The following TGFA variants were observed in gnomAD, a reference collection of about 807,000 sequenced individuals.
TGFA encodes transforming growth factor alpha, also known as protransforming growth factor alpha.
In TGFA, 12 loss-of-function variants were observed where a neutral mutation model predicts 21.7. The observed-to-expected ratio is 0.55, with a 90% CI of 0.35 to 0.90. The LOEUF (loss-of-function observed/expected upper bound fraction) is 0.90. TGFA is among the 40% of genes least tolerant of loss of function. TGFA has a pLI of 0.01. For missense variants in TGFA, 178 were observed against 210.8 expected (o/e 0.84, Z 0.96); for synonymous variants, 79 against 88.1 (o/e 0.90, Z 0.58).
chr2:70,542,264 T>C (rs1429067809), intron 1 of TGFA, among the ~76,000 whole-genome samples: 1 of 152,192 alleles, frequency 6.6e-6, no homozygotes, highest in Non-Finnish European at 1.5e-5. Context: ...CACTTTTGTG[T>C]GACCACATTA....
At chr2:70,517,775 T>G (rs17005778) in intron 1 of TGFA, among the ~76,000 whole-genome samples, 9,830 of 152,232 alleles carry the variant, frequency 0.065, 1,068 homozygotes, top group African/African-American at 0.22. Flanking sequence ...AACCCCAAGT[T>G]AGTCCAAACA....
intron 5 of TGFA, among the ~76,000 whole-genome samples, chr2:70,452,910 T>C (rs1670102177): frequency 6.6e-6 from 1 of 152,030 alleles, no homozygotes; most frequent in Non-Finnish European, 1.5e-5. Flanking sequence ...GCCATTGCAC[T>C]CCAGCCTGGG....
chr2:70,541,382 A>G (rs1335266338), intron 1 of TGFA, among the ~76,000 whole-genome samples: 3 of 152,168 alleles, frequency 2.0e-5, no homozygotes, highest in Non-Finnish European at 2.9e-5. Context: ...TTGTGAAGGG[A>G]AAAAAATGAC....
chr2:70,503,080 A>G (rs185724138), intron 2 of TGFA, among the ~76,000 whole-genome samples: 357 of 152,314 alleles, frequency 2.3e-3, no homozygotes, highest in African/African-American at 7.8e-3. Context: ...CTGGTTATAT[A>G]CACAAAGGAT....
At chr2:70,487,221 CTTTAT>C (rs1373426404) in intron 2 of TGFA, among the ~76,000 whole-genome samples, 3 of 152,182 alleles carry the variant, frequency 2.0e-5, no homozygotes, top group East Asian at 1.9e-4. Context: ...TAAATATTGT[CTTTAT>C]TTTGTGTTCT....
At chr2:70,469,762 C>T (rs1181189517) in intron 2 of TGFA, among the ~76,000 whole-genome samples, 1 of 152,220 alleles carries the variant, frequency 6.6e-6, no homozygotes, top group African/African-American at 2.4e-5. Flanking sequence ...GATTATCTTC[C>T]AGCTCTTCAA....
At chr2:70,472,784 T>A (rs529414537) in intron 2 of TGFA, among the ~76,000 whole-genome samples, 6 of 152,358 alleles carry the variant, frequency 3.9e-5, no homozygotes, top group African/African-American at 1.4e-4. Context: ...TGTCAAAAGT[T>A]GTGAACACGT....
intron 4 of TGFA, 139 bp downstream of exon 4, chr2:70,456,200 G>T: frequency 8.3e-7 from 1 of 1,201,842 alleles, no homozygotes; most frequent in Non-Finnish European, 1.1e-6. Flanking sequence ...CATCAAAGTA[G>T]CATTTAGCTT....
chr2:70,548,693 C>G (rs1417078700), intron 1 of TGFA, among the ~76,000 whole-genome samples: 1 of 152,198 alleles, frequency 6.6e-6, no homozygotes, highest in Non-Finnish European at 1.5e-5. Flanking sequence ...ACATTAAATT[C>G]CATCTCAATA....
Position 70,447,317 on chromosome 2 carries a change from C to T in TGFA, c.*3542G>A, listed in dbSNP as rs1669911982. 6.6e-6 allele frequency: 1 copy of T among 152,590 alleles called. No homozygotes were observed. Among genetic ancestry groups the T allele is most frequent in the Non-Finnish European group, 1.5e-5 (1 of 68,026 alleles). The allele number at this position is 152,590 out of a possible 1,614,324, so 9.5% of individuals were successfully genotyped here. ...AAAAAGATTCATTCCTTCATCCTTC[C>T]AAATAAGGTACAGTACAACTCAATA... On this transcript the variant is annotated 3_prime_UTR_variant, in exon 6 of 6. Coordinates refer to ENST00000295400, the MANE Select transcript of TGFA (RefSeq NM_003236.4).
At chr2:70,482,751 C>T (rs1444031614) in intron 2 of TGFA, among the ~76,000 whole-genome samples, 1 of 151,820 alleles carries the variant, frequency 6.6e-6, no homozygotes, top group Admixed American at 6.6e-5. Context: ...TTCTATCATC[C>T]AATACTTCAG....
intron 2 of TGFA, among the ~76,000 whole-genome samples, chr2:70,476,968 G>C (rs1218082839): frequency 2.0e-5 from 3 of 152,060 alleles, no homozygotes; most frequent in African/African-American, 7.2e-5. Context: ...GTAAGAGAGT[G>C]GTCGAATTAT....
At chr2:70,492,531 G>A (rs556488373) in intron 2 of TGFA, among the ~76,000 whole-genome samples, 1 of 152,302 alleles carries the variant, frequency 6.6e-6, no homozygotes, top group South Asian at 2.1e-4. Context: ...TAAGTGACTT[G>A]TCTAAGGATG....
intron 3 of TGFA, among the ~76,000 whole-genome samples, chr2:70,462,302 C>T (rs1351119092): frequency 6.6e-6 from 1 of 152,208 alleles, no homozygotes; most frequent in Middle Eastern, 3.2e-3. Context: ...GTTCTGTCTT[C>T]CCAGAGCTCA....
chr2:70,489,575 G>T (rs1323269828), intron 2 of TGFA, among the ~76,000 whole-genome samples: 2 of 152,170 alleles, frequency 1.3e-5, no homozygotes, highest in Non-Finnish European at 1.5e-5. Context: ...CTTTTCCTTC[G>T]GTGCTTACAA....
At chr2:70,521,988 T>A (rs1672488081) in intron 1 of TGFA, among the ~76,000 whole-genome samples, 1 of 152,176 alleles carries the variant, frequency 6.6e-6, no homozygotes, top group African/African-American at 2.4e-5. Context: ...GGAATCAAAT[T>A]GGCCTCTCAA....
intron 2 of TGFA, among the ~76,000 whole-genome samples, chr2:70,503,626 GGC>G (rs1671810109): frequency 6.6e-6 from 1 of 151,416 alleles, no homozygotes; most frequent in Non-Finnish European, 1.5e-5. Context: ...GTCCCCAGGG[GGC>G]ACAGTTAAGC....
At chr2:70,507,179 C>T (rs1468568662) in intron 2 of TGFA, among the ~76,000 whole-genome samples, 2 of 152,232 alleles carry the variant, frequency 1.3e-5, no homozygotes. Flanking sequence ...CTCGGAGCCT[C>T]GGCAGGTGCA....
At chr2:70,519,098 G>T (rs1672373570) in intron 1 of TGFA, among the ~76,000 whole-genome samples, 1 of 152,188 alleles carries the variant, frequency 6.6e-6, no homozygotes, top group Non-Finnish European at 1.5e-5. Flanking sequence ...ACACGCTCAG[G>T]GCGGGAGGAT....
Sources: allele counts gnomAD v4.1 joint callset (sites outside exome capture counted in the v4.1 genomes callset), GRCh38; gene constraint gnomAD v4.1.1; transcripts MANE v1.5; gene names NCBI Gene and HGNC (gene_info 2026-07-23, HGNC 2026-07-21).